RSBN1L: variants seen among roughly 807,000 people sequenced by gnomAD.
RSBN1L encodes lysine-specific demethylase RSBN1L.
RSBN1L carries 30 observed loss-of-function variants against 67.7 expected under a neutral mutation model. The ratio of observed to expected loss-of-function variants is 0.44; its 90% CI spans 0.33 to 0.60. The LOEUF (loss-of-function observed/expected upper bound fraction) is 0.60. Among genes scored for constraint, RSBN1L ranks in the 20% least tolerant of loss-of-function variants. RSBN1L has a pLI of 0.02. For synonymous variants in RSBN1L, 433 were observed against 387.0 expected (o/e 1.12, Z -1.39); for missense variants, 992 against 1,031.7 (o/e 0.96, Z 0.53).
chr7:77,732,496 C>G (rs1791284016), intron 1 of RSBN1L, among the ~76,000 whole-genome samples: 1 of 152,068 alleles, frequency 6.6e-6, no homozygotes, highest in Admixed American at 6.6e-5. Context: ...CCATGCCCAG[C>G]TAATTTTTTA....
intron 1 of RSBN1L, among the ~76,000 whole-genome samples, chr7:77,723,693 T>G (rs550238542): frequency 1.3e-5 from 2 of 152,174 alleles, no homozygotes; most frequent in African/African-American, 4.8e-5. Flanking sequence ...CCTAGCACTT[T>G]GGGAGGCCGA....
chr7:77,723,618 A>G lies in RSBN1L; in HGVS notation c.587-12792A>G, dbSNP rs181312372. Among the ~76,000 whole-genome samples the G allele has an allele frequency of 8.1e-3, 1,239 of 152,038 alleles. 10 individuals are homozygous for G. Among genetic ancestry groups the G allele is most frequent in the Non-Finnish European group, 0.014 (960 of 67,986 alleles). The stretch of plus-strand genomic sequence containing the variant: ...CAAGTAGCTGGGACTGCAGGCATGT[A>G]CCACCATGCCCAGTTAATTTAAAAA... On this transcript the variant is annotated intron_variant, in intron 1 of 7. Coordinates refer to ENST00000334955, the MANE Select transcript of RSBN1L (RefSeq NM_198467.3).
Position 77,748,631 on chromosome 7 carries a change from C to T in RSBN1L, c.704-793C>T, listed in dbSNP as rs567609926. ...TCCCGGGTAGCTGGGATTACAGGTG[C>T]TCACCACCATGCCCAGCTAATTTTT... On this transcript the variant is annotated intron_variant, in intron 2 of 7. Transcript: ENST00000334955. Among the ~76,000 whole-genome samples the T allele has an allele frequency of 3.7e-4, 57 of 152,104 alleles. 2 individuals are homozygous for T. The South Asian group carries it at 0.012, about 32-fold the overall frequency.
intron 1 of RSBN1L, among the ~76,000 whole-genome samples, chr7:77,733,189 A>T (rs1303145476): frequency 6.6e-6 from 1 of 152,214 alleles, no homozygotes; most frequent in East Asian, 1.9e-4. Context: ...TCTACCAAAA[A>T]GTGGAAAAAT....
At chr7:77,720,905 G>A (rs1269167311) in intron 1 of RSBN1L, among the ~76,000 whole-genome samples, 1 of 151,440 alleles carries the variant, frequency 6.6e-6, no homozygotes, top group Admixed American at 6.6e-5. Context: ...TACAGGCGTG[G>A]GCGACCTTGC....
chr7:77,766,918 G>A (rs10272202), intron 4 of RSBN1L, among the ~76,000 whole-genome samples: 86,514 of 151,812 alleles, frequency 0.57, 26,556 homozygotes, highest in African/African-American at 0.81. Flanking sequence ...TTTATTATTG[G>A]ACTATATTTA....
intron 1 of RSBN1L, among the ~76,000 whole-genome samples, chr7:77,707,771 G>A (rs1790914894): frequency 6.6e-6 from 1 of 151,832 alleles, no homozygotes; most frequent in African/African-American, 2.4e-5. Flanking sequence ...AAGCACTTTC[G>A]AGATAGGTCA....
chr7:77,765,048 T>C (rs1791744163), intron 3 of RSBN1L, among the ~76,000 whole-genome samples: 2 of 152,226 alleles, frequency 1.3e-5, no homozygotes, highest in Admixed American at 6.5e-5. Context: ...TTTAGTCATA[T>C]AAGCCACTGT....
intron 1 of RSBN1L, among the ~76,000 whole-genome samples, chr7:77,711,673 A>G (rs1790977178): frequency 6.6e-6 from 1 of 152,216 alleles, no homozygotes; most frequent in African/African-American, 2.4e-5. Context: ...AACCAACAAC[A>G]GTTTGGGAAT....
chr7:77,755,339 A>G (rs1791602872), intron 3 of RSBN1L, among the ~76,000 whole-genome samples: 1 of 152,206 alleles, frequency 6.6e-6, no homozygotes, highest in African/African-American at 2.4e-5. Context: ...CCTGTAAGTC[A>G]AAAATATTTT....
At chr7:77,723,916 A>G (rs978058671) in intron 1 of RSBN1L, among the ~76,000 whole-genome samples, 1 of 150,686 alleles carries the variant, frequency 6.6e-6, no homozygotes, top group Non-Finnish European at 1.5e-5. Context: ...CCTGGGACAC[A>G]AGAGTGAAAC....
At position 77,696,865 on chromosome 7, in the gene RSBN1L, T is replaced by C; in HGVS notation, c.396T>C (p.Pro132=). Residue 132 remains proline, a synonymous_variant, in exon 1 of 8, where the codon CCT becomes CCC. Coordinates refer to ENST00000334955, the MANE Select transcript of RSBN1L (RefSeq NM_198467.3). Reference sequence around the variant, plus strand: ...TGCCGCGCAAACTGCTGGTCCCTCCTACGCTGCTGCACGCTCAGCCTCACC... The same window carrying C: ...TGCCGCGCAAACTGCTGGTCCCTCCCACGCTGCTGCACGCTCAGCCTCACC... ...QPVPRKLLVP[P]TLLHAQPHHL... 1 of 1,611,592 alleles carries C rather than the reference T, an allele frequency of 6.2e-7. No homozygotes were observed. The highest frequency in any genetic ancestry group is 1.1e-5 in the South Asian group (1 of 91,078).
rs1156445468 is a variant in RSBN1L, at chr7:77,749,585, G to C, written c.865G>C (p.Asp289His). The change falls in exon 3 of 8, where the codon GAT becomes CAT. Residue 289 changes from aspartate to histidine, a missense_variant. Asp to His is a moderately conservative substitution (Grantham distance 81). Coordinates refer to ENST00000334955, the MANE Select transcript of RSBN1L (RefSeq NM_198467.3). ...ICSGLLTDVE[D>H]QAAKGILNDN... Reference sequence around the variant, plus strand: ...CTCAGGATTGCTAACTGATGTTGAAGATCAAGCAGCCAAAGGCATCCTAAA... The same window carrying C: ...CTCAGGATTGCTAACTGATGTTGAACATCAAGCAGCCAAAGGCATCCTAAA... 6.2e-7 allele frequency: 1 copy of C among 1,613,954 alleles called. No homozygotes were observed. Among genetic ancestry groups the C allele is most frequent in the South Asian group, 1.1e-5 (1 of 91,018 alleles).
rs745889457 is a variant in RSBN1L at position 77,779,055 on chromosome 7, A to C, written c.2428A>C (p.Asn810His). 1 of 1,613,992 alleles carries C rather than the reference A, an allele frequency of 6.2e-7. No individual in the cohort carries two copies. The highest frequency in any genetic ancestry group is 8.5e-7 in the Non-Finnish European group (1 of 1,179,882). ...CATGGATTCTAAATTTGAAAATAGC[A>C]ACAAAGATTTAAAGGAAGAATTGTG... Reference protein sequence around the residue: ...IDMDSKFENSNKDLKEELCPG... With the variant: ...IDMDSKFENSHKDLKEELCPG... Residue 810 changes from asparagine (N) to histidine (H), a missense_variant, in exon 8 of 8, where the codon AAC (asparagine) becomes CAC (histidine). Asn to His is a moderately conservative substitution (Grantham distance 68). Around this residue, in one of 7 missense-constraint regions of RSBN1L, gnomAD observed 199 missense variants for 167.7 expected, o/e 1.19. Transcript: ENST00000334955.
At chr7:77,730,633 A>G (rs1165009382) in intron 1 of RSBN1L, among the ~76,000 whole-genome samples, 2 of 152,208 alleles carry the variant, frequency 1.3e-5, no homozygotes, top group Non-Finnish European at 2.9e-5. Context: ...CCACAGCGTC[A>G]TATGGTTAGA....
At chr7:77,754,291 G>A (rs940481604) in intron 3 of RSBN1L, among the ~76,000 whole-genome samples, 3 of 152,016 alleles carry the variant, frequency 2.0e-5, no homozygotes, top group Admixed American at 6.6e-5. Flanking sequence ...ATAAACTTTC[G>A]AATCAGCTTT....
intron 1 of RSBN1L, among the ~76,000 whole-genome samples, chr7:77,710,715 C>T (rs1332363099): frequency 6.6e-6 from 1 of 152,092 alleles, no homozygotes; most frequent in Admixed American, 6.6e-5. Flanking sequence ...CCTGCCTCAG[C>T]CTCCCGAGTA....
rs778419014 is a variant in RSBN1L, at chr7:77,696,525, C to G, written c.56C>G (p.Thr19Ser). ...HCVAAAAPTATVSEKEPFGKL... is the reference protein window; with the variant it reads ...HCVAAAAPTASVSEKEPFGKL... ...GTCGCTGCCGCGGCCCCCACCGCCA[C>G]CGTCTCGGAGAAAGAACCGTTTGGC... The change falls in exon 1 of 8, where the codon ACC becomes AGC. Residue 19 changes from threonine (T) to serine (S), a missense_variant. Physicochemically the swap from Thr to Ser is moderately conservative, Grantham distance 58. This residue lies in a region of RSBN1L where 575 missense variants were observed against 483.2 expected (regional missense o/e 1.19). Coordinates refer to ENST00000334955, the MANE Select transcript of RSBN1L (RefSeq NM_198467.3). The G allele has an allele frequency of 1.9e-5, 30 of 1,613,904 alleles. No homozygotes were observed. The highest frequency in any genetic ancestry group is 2.5e-5 in the Non-Finnish European group (29 of 1,179,954).
intron 1 of RSBN1L, among the ~76,000 whole-genome samples, chr7:77,718,543 G>A (rs1225172656): frequency 2.6e-5 from 4 of 152,056 alleles, no homozygotes; most frequent in South Asian, 2.1e-4. Context: ...TGCCTGCCCC[G>A]GCCTCTCAAA....
Sources: allele counts gnomAD v4.1 joint callset (sites outside exome capture counted in the v4.1 genomes callset), GRCh38; gene constraint gnomAD v4.1.1; regional missense constraint gnomAD v4.1.1; transcripts MANE v1.5; gene names NCBI Gene and HGNC (gene_info 2026-07-23, HGNC 2026-07-21).